Variants in HP observed in about 807,000 individuals in gnomAD.
HP encodes haptoglobin alpha(1S)-beta.
In HP, 9 loss-of-function variants were observed where a neutral mutation model predicts 23.2. The observed-to-expected ratio is 0.39, with a 90% CI of 0.23 to 0.68. The LOEUF is 0.68. Ranked by LOEUF, HP falls within the 30% of genes least tolerant of loss-of-function variation. The probability of loss-of-function intolerance (pLI) is 0.47; values close to 1 mark genes in which losing one functional copy is unlikely to be tolerated. For synonymous variants in HP, 155 were observed against 183.3 expected (o/e 0.85, Z 1.25); for missense variants, 433 against 483.6 (o/e 0.90, Z 0.98).
chr16:72,057,764 G>A, intron 4 of HP: 1 of 407,204 alleles, frequency 2.5e-6, no homozygotes, highest in Non-Finnish European at 4.5e-6. Flanking sequence ...CTGGGTCTAA[G>A]GAGAAGCAAG....
intron 1 of HP, chr16:72,055,625 TTATAAAATACTAGAAA>T (rs1228961298): frequency 5.8e-6 from 1 of 173,132 alleles, no homozygotes; most frequent in African/African-American, 2.4e-5. Flanking sequence ...AGGTGAATTA[TTATAAAATACTAGAAA>T]TACCCACGTG....
chr16:72,060,333 A>C lies in HP; in HGVS notation c.664A>C (p.Thr222Pro), dbSNP rs780581095. ...ATAKDIAPTL[T>P]LYVGKKQLVE... ...AGCGAAAGACATTGCCCCTACTTTAACACTCTATGTGGGGAAAAAGCAGCT... is the reference window on the plus strand; with the variant it reads ...AGCGAAAGACATTGCCCCTACTTTACCACTCTATGTGGGGAAAAAGCAGCT... Residue 222 changes from threonine to proline, a missense_variant, in exon 7 of 7, where the codon ACA (threonine) becomes CCA (proline). By Grantham distance (38) the Thr-to-Pro change is conservative. Coordinates refer to ENST00000355906, the MANE Select transcript of HP (RefSeq NM_005143.5). 1 of 1,614,102 alleles carries C rather than the reference A, an allele frequency of 6.2e-7. No homozygotes were observed. Among genetic ancestry groups the C allele is most frequent in the Admixed American group, 1.7e-5 (1 of 60,016 alleles).
At position 72,054,670 on chromosome 16, in the gene HP, C is replaced by A. The variant is rs1158265044; in HGVS notation, c.5+13C>A. The A allele has an allele frequency of 6.2e-7, 1 of 1,612,364 alleles. No homozygotes were observed. Among genetic ancestry groups the A allele is most frequent in the African/African-American group, 1.3e-5 (1 of 75,052 alleles). On this transcript the variant is annotated intron_variant, in intron 1 of 6. Coordinates refer to ENST00000355906, the MANE Select transcript of HP (RefSeq NM_005143.5). ...CAACCAAGATGAGGTGGGTCCACAG[C>A]TTTCCCTCCTGCCTTTCCTCTGGTT...
intron 4 of HP, chr16:72,057,899 T>G: frequency 2.9e-6 from 1 of 347,196 alleles, no homozygotes; most frequent in East Asian, 5.5e-5. Flanking sequence ...TCTCCTTTCA[T>G]TCTCAGAACC....
chr16:72,060,048 C>A, intron 6 of HP, 64 bp from the exon 7 acceptor site: 1 of 1,595,682 alleles, frequency 6.3e-7, no homozygotes, highest in South Asian at 1.1e-5. Context: ...ATGCTTTCAC[C>A]CCTTTCTCAG....
intron 2 of HP, 72 bp downstream of exon 2, chr16:72,056,315 C>A: frequency 1.3e-6 from 2 of 1,566,726 alleles, no homozygotes; most frequent in Non-Finnish European, 1.8e-6. Context: ...TCTGAGAACA[C>A]CCAATTCCCC....
At chr16:72,054,780 C>A in intron 1 of HP, 123 bp downstream of exon 1, 7 of 1,518,796 alleles carry the variant, frequency 4.6e-6, no homozygotes, top group Non-Finnish European at 6.3e-6. Flanking sequence ...TTATAGTGAA[C>A]CAAAGGGCTT....
intron 2 of HP, 137 bp downstream of exon 2, chr16:72,056,380 C>A (rs937897022): frequency 6.4e-7 from 1 of 1,567,260 alleles, no homozygotes; most frequent in Admixed American, 1.9e-5. Context: ...GGGGTTCCTG[C>A]CAGAAATGAG....
chr16:72,059,901 G>T (rs2041513930), intron 6 of HP: 2 of 1,207,592 alleles, frequency 1.7e-6, no homozygotes, highest in African/African-American at 1.5e-5. Context: ...AGAAAAGTGG[G>T]AAATAGAGCT....
intron 1 of HP, 130 bp downstream of exon 1, chr16:72,054,787 G>A (rs1300510536): frequency 5.0e-5 from 73 of 1,467,566 alleles, no homozygotes; most frequent in Non-Finnish European, 6.7e-5. Context: ...GAACCAAAGG[G>A]CTTAGTGTGT....
chr16:72,056,295 C>G (rs2041461813), intron 2 of HP, 52 bp downstream of exon 2: 2 of 1,580,860 alleles, frequency 1.3e-6, no homozygotes, highest in Admixed American at 3.3e-5. Context: ...CCTCTCGGGT[C>G]TGCACTCTCT....
rs1351325089 is a variant in HP at position 72,054,745 on chromosome 16, C to A, written c.5+88C>A. The stretch of plus-strand genomic sequence containing the variant: ...CATCGGTAGAGATGCAGAAATAGAA[C>A]AAAGAAACGGGCAAATGGGCTAAAT... On this transcript the variant is annotated intron_variant, in intron 1 of 6. Coordinates refer to ENST00000355906, the MANE Select transcript of HP (RefSeq NM_005143.5). 11 of 1,604,136 alleles carry A rather than the reference C, an allele frequency of 6.9e-6. No homozygotes were observed. The African/African-American group carries it at 1.5e-4, about 21-fold the overall frequency.
chr16:72,059,731 A>G (rs1419551604), intron 6 of HP: 1 of 348,592 alleles, frequency 2.9e-6, no homozygotes, highest in East Asian at 6.5e-5. Context: ...GTGCTGCTCT[A>G]GATTCATCTT....
At position 72,057,421 on chromosome 16, in the gene HP, T is replaced by G. The variant is rs755640628; in HGVS notation, c.220T>G (p.Trp74Gly). 1 of 1,110,680 alleles carries G rather than the reference T, an allele frequency of 9.0e-7. No individual in the cohort carries two copies. The highest frequency in any genetic ancestry group is 1.3e-5 in the South Asian group (1 of 78,208). 68.8% of individuals were successfully genotyped at this position (1,110,680 alleles called of 1,614,324 possible). The change falls in exon 4 of 7, where the codon TGG becomes GGG. Residue 74 changes from tryptophan to glycine, a missense_variant. By Grantham distance (184) the Trp-to-Gly change is radical (BLOSUM62 -2). Around this residue, in one of 3 missense-constraint regions of HP, gnomAD observed 36 missense variants for 71.3 expected, o/e 0.50. Transcript: ENST00000355906. Reference protein sequence around the residue: ...GVYTLNDKKQWINKAVGDKLP... With the variant: ...GVYTLNDKKQGINKAVGDKLP... ...ATACACCTTAAATGATAAGAAGCAG[T>G]GGATAAATAAGGCTGTTGGAGATAA...
chr16:72,057,955 C>G, intron 4 of HP: 2 of 392,512 alleles, frequency 5.1e-6, no homozygotes, highest in Middle Eastern at 1.3e-3. Flanking sequence ...TGTGGAAATG[C>G]CAACCTGCCT....
At chr16:72,059,882 TC>T in intron 6 of HP, 2 of 1,028,286 alleles carry the variant, frequency 1.9e-6, no homozygotes, top group Non-Finnish European at 2.8e-6. Flanking sequence ...ATTTCCCACT[TC>T]CTTTGTTAGA....
rs747162433 is a variant in HP at position 72,060,639 on chromosome 16, C to A, written c.970C>A (p.Pro324Thr). The A allele has an allele frequency of 3.7e-6, 6 of 1,614,082 alleles. No homozygotes were observed. Among genetic ancestry groups the A allele is most frequent in the Admixed American group, 1.7e-5 (1 of 60,006 alleles). The change falls in exon 7 of 7, where the codon CCG (proline) becomes ACG (threonine). Residue 324 changes from proline (P) to threonine (T), a missense_variant. This residue lies in a region of HP where 326 missense variants were observed against 358.1 expected (regional missense o/e 0.91). Transcript: ENST00000355906. ...CAGCACAGTCCCCGAAAAGAAGACA[C>A]CGAAGAGCCCTGTAGGGGTGCAGCC... ...EGSTVPEKKT[P>T]KSPVGVQPIL...
At chr16:72,054,685 T>C (rs2041430825) in intron 1 of HP, 28 bp downstream of exon 1, 1 of 1,612,126 alleles carries the variant, frequency 6.2e-7, no homozygotes. Context: ...CCTCCTGCCT[T>C]TCCTCTGGTT....
At chr16:72,057,699 G>C in intron 4 of HP, 1 of 504,612 alleles carries the variant, frequency 2.0e-6, no homozygotes, top group East Asian at 3.5e-5. Context: ...ATCCACTGTC[G>C]GCACTGCCCA....
Sources: gnomAD v4.1 joint callset for allele counts on GRCh38, gnomAD v4.1.1 for gene constraint, gnomAD v4.1.1 regional missense constraint, MANE v1.5 for transcripts, NCBI Gene and HGNC (gene_info 2026-07-23, HGNC 2026-07-21) for gene names.